The following PPIH variants were observed in gnomAD, a reference collection of about 807,000 sequenced individuals.
PPIH encodes peptidylprolyl isomerase H.
A neutral mutation model predicts 27.6 loss-of-function variants in PPIH; 16 were observed. The ratio of observed to expected loss-of-function variants is 0.58; its 90% CI spans 0.39 to 0.88. The LOEUF is 0.88. PPIH is among the 40% of genes least tolerant of loss of function. PPIH has a pLI of 0.00. For synonymous variants in PPIH, 63 were observed against 76.1 expected (o/e 0.83, Z 0.90); for missense variants, 155 against 224.1 (o/e 0.69, Z 1.97).
At chr1:42,669,017 C>T (rs957047975) in intron 9 of PPIH, among the ~76,000 whole-genome samples, 1 of 151,050 alleles carries the variant, frequency 6.6e-6, no homozygotes, top group African/African-American at 2.4e-5. Flanking sequence ...CGAGACCAGC[C>T]TGGGCAACCT....
At chr1:42,661,713 G>GT (rs1414669440) in intron 5 of PPIH, among the ~76,000 whole-genome samples, 2 of 152,168 alleles carry the variant, frequency 1.3e-5, no homozygotes, top group Non-Finnish European at 2.9e-5. Flanking sequence ...AATCTCATGA[G>GT]TTTTTAAGAC....
At chr1:42,679,927 C>A (rs1377399418), downstream of PPIH, among the ~76,000 whole-genome samples, 4 of 152,216 alleles carry the variant, frequency 2.6e-5, no homozygotes, top group African/African-American at 9.7e-5. Context: ...CCTTCTGCTG[C>A]CAGTACCTTT....
intron 5 of PPIH, 73 bp from the exon 6 acceptor site, chr1:42,664,790 C>T (rs745341564): frequency 3.9e-4 from 455 of 1,181,048 alleles, no homozygotes; most frequent in Admixed American, 5.7e-4. Context: ...GCTTTAGGTG[C>T]GACAGTGTTC....
At chr1:42,662,200 A>G (rs907339402) in intron 5 of PPIH, among the ~76,000 whole-genome samples, 7 of 152,002 alleles carry the variant, frequency 4.6e-5, no homozygotes, top group Non-Finnish European at 8.8e-5. Context: ...GGCACATCTG[A>G]TCACTTGTCG....
At chr1:42,676,080 C>G (rs1232468304) in intron 9 of PPIH, among the ~76,000 whole-genome samples, 1 of 152,218 alleles carries the variant, frequency 6.6e-6, no homozygotes, top group Non-Finnish European at 1.5e-5. Flanking sequence ...TTGTAATTTA[C>G]TGCCCAACTT....
At chr1:42,679,380 G>C (rs1240551432), downstream of PPIH, among the ~76,000 whole-genome samples, 1 of 152,122 alleles carries the variant, frequency 6.6e-6, no homozygotes, top group Non-Finnish European at 1.5e-5. Context: ...AGTAGAGATG[G>C]GGTTTTGCCA....
chr1:42,673,647 T>C (rs1250385136), intron 9 of PPIH, among the ~76,000 whole-genome samples: 1 of 152,246 alleles, frequency 6.6e-6, no homozygotes, highest in African/African-American at 2.4e-5. Flanking sequence ...CAGGATGTTA[T>C]GTTTGTAACA....
chr1:42,678,511 T>C (rs559870795), downstream of PPIH, among the ~76,000 whole-genome samples: 10 of 152,338 alleles, frequency 6.6e-5, no homozygotes, highest in African/African-American at 2.2e-4. Flanking sequence ...GCGATTCTCC[T>C]GCTTCAGCCT....
At chr1:42,659,025 C>T in intron 2 of PPIH, 117 bp downstream of exon 2, 5 of 1,344,080 alleles carry the variant, frequency 3.7e-6, no homozygotes, top group Middle Eastern at 1.8e-4. Flanking sequence ...AGACCTGATT[C>T]CTCCATGCAT....
intron 9 of PPIH, among the ~76,000 whole-genome samples, chr1:42,670,777 GTTAACT>G (rs756314144): frequency 1.7e-4 from 26 of 152,120 alleles, no homozygotes; most frequent in Non-Finnish European, 3.1e-4. Context: ...GGACTAAACT[GTTAACT>G]TTTTATTTTT....
chr1:42,660,787 C>A, intron 4 of PPIH, 75 bp from the exon 5 acceptor site: 1 of 1,260,058 alleles, frequency 7.9e-7, no homozygotes, highest in Non-Finnish European at 1.1e-6. Context: ...CAACGTTAAT[C>A]TAATACAATA....
At position 42,659,126 on chromosome 1, in the gene PPIH, TG is replaced by T. The variant is rs1341541488; in HGVS notation, c.132-100del. 3.5e-5 allele frequency: 54 copies of T among 1,550,570 alleles called. No individual in the cohort carries two copies. The Middle Eastern group carries it at 6.9e-4, about 20-fold the overall frequency. On this transcript the variant is annotated intron_variant, in intron 2 of 9. Transcript: ENST00000304979. ...GTGTCTGGACGTCTGGCTGGCCGATTGGTGGACTTGCTGGCTCCAGTGTTTA... is the reference window on the plus strand; with the variant it reads ...GTGTCTGGACGTCTGGCTGGCCGATTGTGGACTTGCTGGCTCCAGTGTTTA...
At position 42,667,392 on chromosome 1, in the gene PPIH, G is replaced by C. The variant is rs1472677003; in HGVS notation, c.507G>C (p.Val169=). The change falls in exon 9 of 10, where the codon GTG becomes GTC. Residue 169 remains valine, a synonymous_variant. Coordinates refer to ENST00000304979, the MANE Select transcript of PPIH (RefSeq NM_006347.4). ...CCAACAATAAGCCCAAGCTACCTGT[G>C]GTGATCTCGCAGTGTGGGGAGATGT... The part of the protein sequence containing the change: ...TGPNNKPKLP[V]VISQCGEM 4 of 1,608,928 alleles carry C rather than the reference G, an allele frequency of 2.5e-6. No individual in the cohort carries two copies. Among genetic ancestry groups the C allele is most frequent in the Non-Finnish European group, 2.6e-6 (3 of 1,175,432 alleles).
At chr1:42,664,000 T>A (rs1365840303) in intron 5 of PPIH, among the ~76,000 whole-genome samples, 2 of 152,200 alleles carry the variant, frequency 1.3e-5, no homozygotes, top group African/African-American at 4.8e-5. Flanking sequence ...TACCCAGACT[T>A]CAGTTTCCTC....
chr1:42,659,593 A>G, intron 4 of PPIH, 27 bp downstream of exon 4: 1 of 1,600,196 alleles, frequency 6.2e-7, no homozygotes, highest in Non-Finnish European at 8.5e-7. Context: ...GCCATCCTGG[A>G]GTCTTTCAGA....
intron 9 of PPIH, among the ~76,000 whole-genome samples, chr1:42,671,654 A>ATAT (rs1343275097): frequency 3.9e-5 from 6 of 152,176 alleles, no homozygotes; most frequent in African/African-American, 1.4e-4. Context: ...ACTTTACTTG[A>ATAT]ATTATCGCAT....
chr1:42,660,322 A>C (rs562866557), intron 4 of PPIH, among the ~76,000 whole-genome samples: 9 of 152,190 alleles, frequency 5.9e-5, no homozygotes, highest in Admixed American at 1.3e-4. Context: ...CAGATCATGC[A>C]CTTGATCAAC....
intron 9 of PPIH, among the ~76,000 whole-genome samples, chr1:42,671,221 G>A (rs1436110447): frequency 6.6e-6 from 1 of 152,152 alleles, no homozygotes; most frequent in Non-Finnish European, 1.5e-5. Flanking sequence ...TTGAGGCCAG[G>A]AGTTTGAGAC....
At chr1:42,658,757 G>T in intron 1 of PPIH, 87 bp from the exon 2 acceptor site, 2 of 1,453,234 alleles carry the variant, frequency 1.4e-6, no homozygotes, top group East Asian at 2.3e-5. Context: ...GAGCGGCAGG[G>T]TGGTGGGTCA....
Sources: gnomAD v4.1 joint callset for allele counts (sites outside exome capture counted in the v4.1 genomes callset) on GRCh38, gnomAD v4.1.1 for gene constraint, MANE v1.5 for transcripts, NCBI Gene and HGNC (gene_info 2026-07-23, HGNC 2026-07-21) for gene names.